PDE6A: variants seen among roughly 807,000 people sequenced by gnomAD.
PDE6A encodes the protein rod cGMP-specific 3',5'-cyclic phosphodiesterase subunit alpha.
A neutral mutation model predicts 106.3 loss-of-function variants in PDE6A; 84 were observed. The ratio of observed to expected loss-of-function variants is 0.79; its 90% CI spans 0.66 to 0.95. PDE6A has a LOEUF of 0.95. Among genes scored for constraint, PDE6A ranks in the 40% least tolerant of loss-of-function variants. The probability of loss-of-function intolerance (pLI) is 0.00; values close to 1 mark genes in which losing one functional copy is unlikely to be tolerated. For missense variants in PDE6A, 1,052 were observed against 1,084.9 expected (o/e 0.97, Z 0.43); for synonymous variants, 394 against 386.6 (o/e 1.02, Z -0.23).
chr5:149,920,777 A>G (rs1753681126), intron 5 of PDE6A, among the ~76,000 whole-genome samples: 1 of 151,154 alleles, frequency 6.6e-6, no homozygotes, highest in Non-Finnish European at 1.5e-5. Flanking sequence ...GTTAGCCGCC[A>G]ATTTCCCAGC....
At chr5:149,874,209 C>T (rs1239419763) in intron 17 of PDE6A, among the ~76,000 whole-genome samples, 2 of 152,144 alleles carry the variant, frequency 1.3e-5, no homozygotes, top group African/African-American at 4.8e-5. Flanking sequence ...CTATAGTTAG[C>T]ATCACATTCT....
At chr5:149,887,227 G>A (rs182669690) in intron 13 of PDE6A, among the ~76,000 whole-genome samples, 190 of 152,298 alleles carry the variant, frequency 1.2e-3, no homozygotes, top group African/African-American at 4.4e-3. Flanking sequence ...TCCAACAATA[G>A]AACACTATGC....
In PDE6A at chr5:149,944,598, G is replaced by A. The variant is rs775843654; in HGVS notation, c.76C>T (p.Leu26Phe). The change falls in exon 1 of 22, where the codon CTC (leucine) becomes TTC (phenylalanine). Residue 26 changes from leucine (L) to phenylalanine (F), a missense_variant. By Grantham distance (22) the Leu-to-Phe change is conservative. This residue lies in a region of PDE6A where 913 missense variants were observed against 915.2 expected (regional missense o/e 1.00). Transcript: ENST00000255266. The stretch of plus-strand genomic sequence containing the variant: ...GAGATGAGCTTGGCCCGGTAGTGGA[G>A]GTTGTAGTACTGTTTGGCAAAGCCA... ...NIGFAKQYYN[L>F]HYRAKLISDL... 1 of 1,613,942 alleles carries A rather than the reference G, an allele frequency of 6.2e-7. No individual in the cohort carries two copies. The highest frequency in any genetic ancestry group is 2.2e-5 in the East Asian group (1 of 44,880).
chr5:149,890,111 A>G (rs1286314147), intron 13 of PDE6A, among the ~76,000 whole-genome samples: 1 of 151,636 alleles, frequency 6.6e-6, no homozygotes, highest in Non-Finnish European at 1.5e-5. Flanking sequence ...ACACCACCAC[A>G]CTAGGCTAAT....
intron 8 of PDE6A, among the ~76,000 whole-genome samples, chr5:149,901,766 A>G (rs1752988545): frequency 6.6e-6 from 1 of 152,236 alleles, no homozygotes; most frequent in African/African-American, 2.4e-5. Context: ...GGTCAAAATC[A>G]CAACACATGA....
At chr5:149,943,106 C>T (rs948388144) in intron 1 of PDE6A, among the ~76,000 whole-genome samples, 2 of 152,128 alleles carry the variant, frequency 1.3e-5, no homozygotes, top group African/African-American at 4.8e-5. Context: ...CTCAGGCTGT[C>T]TCAGTGGGGA....
intron 6 of PDE6A, among the ~76,000 whole-genome samples, chr5:149,911,463 T>C (rs1753383669): frequency 6.6e-6 from 1 of 152,212 alleles, no homozygotes; most frequent in African/African-American, 2.4e-5. Flanking sequence ...TAAAGCCATT[T>C]GAGATCTGTA....
chr5:149,888,380 T>G (rs1306509188), intron 13 of PDE6A, among the ~76,000 whole-genome samples: 1 of 151,576 alleles, frequency 6.6e-6, no homozygotes, highest in Non-Finnish European at 1.5e-5. Flanking sequence ...CACTGGAAAT[T>G]AAGGTCACTA....
At chr5:149,876,752 C>T (rs1457951831) in intron 17 of PDE6A, among the ~76,000 whole-genome samples, 2 of 152,106 alleles carry the variant, frequency 1.3e-5, no homozygotes, top group African/African-American at 2.4e-5. Flanking sequence ...GCAATCTGCC[C>T]GTCTCAGCCT....
chr5:149,916,008 T>C (rs996116732), intron 5 of PDE6A, among the ~76,000 whole-genome samples: 3 of 152,248 alleles, frequency 2.0e-5, no homozygotes, highest in African/African-American at 7.2e-5. Context: ...GGTCTTGCTG[T>C]GTCACCCAGG....
intron 14 of PDE6A, among the ~76,000 whole-genome samples, chr5:149,886,031 T>A (rs1752283181): frequency 6.6e-6 from 1 of 152,220 alleles, no homozygotes; most frequent in Non-Finnish European, 1.5e-5. Flanking sequence ...ATCTGCACAG[T>A]CCCTTTTGTA....
At chr5:149,889,224 CT>C (rs1361611922) in intron 13 of PDE6A, among the ~76,000 whole-genome samples, 7 of 151,784 alleles carry the variant, frequency 4.6e-5, no homozygotes, top group African/African-American at 1.2e-4. Context: ...AACAAATTTT[CT>C]TTGAGTATTG....
In PDE6A at chr5:149,893,435, C is replaced by T. The variant is rs148368099; in HGVS notation, c.1728+1748G>A. 3.0e-3 allele frequency among the ~76,000 whole-genome samples: 459 copies of T among 152,254 alleles called. 3 individuals are homozygous for T. The highest frequency in any genetic ancestry group is 5.0e-3 in the Non-Finnish European group (341 of 68,026). ...ACTTCTCTGCCATCATGAAGGAAAC[C>T]GTACTCTGACCTTTCTAATTAATAA... On this transcript the variant is annotated intron_variant, in intron 13 of 21. Coordinates refer to ENST00000255266, the MANE Select transcript of PDE6A (RefSeq NM_000440.3).
intron 1 of PDE6A, among the ~76,000 whole-genome samples, chr5:149,935,889 C>T (rs1019130254): frequency 1.3e-5 from 2 of 152,166 alleles, no homozygotes; most frequent in Non-Finnish European, 2.9e-5. Context: ...TGGTGGTTTA[C>T]GTCTATAATC....
intron 17 of PDE6A, among the ~76,000 whole-genome samples, chr5:149,871,283 T>C (rs1760541514): frequency 1.3e-5 from 2 of 152,204 alleles, no homozygotes; most frequent in Admixed American, 1.3e-4. Context: ...ACATGGTCCA[T>C]GCTCTCAGAG....
At chr5:149,924,312 C>T (rs1348161518) in intron 4 of PDE6A, among the ~76,000 whole-genome samples, 2 of 152,068 alleles carry the variant, frequency 1.3e-5, no homozygotes, top group Non-Finnish European at 2.9e-5. Context: ...GTGGGCCAAA[C>T]ACTGAGTGGC....
intron 17 of PDE6A, among the ~76,000 whole-genome samples, chr5:149,880,932 G>A (rs369065477): frequency 4.6e-5 from 7 of 152,010 alleles, no homozygotes; most frequent in African/African-American, 1.2e-4. Context: ...GAATGGTGGC[G>A]GGTGCCTGTA....
intron 4 of PDE6A, among the ~76,000 whole-genome samples, chr5:149,926,979 CAAAAAAAAA>C (rs539891462): frequency 1.4e-5 from 1 of 70,450 alleles, no homozygotes; most frequent in Non-Finnish European, 2.9e-5. Flanking sequence ...ACTCCGTCTC[CAAAAAAAAA>C]AAAAAAAAAA....
At chr5:149,928,231 A>ATATATATT in intron 4 of PDE6A, among the ~76,000 whole-genome samples, 1 of 19,742 alleles carries the variant, frequency 5.1e-5, no homozygotes, top group East Asian at 7.4e-4. Flanking sequence ...ATATATATAT[A>ATATATATT]TTTTTTTTTT....
Sources: gnomAD v4.1 joint callset for allele counts (sites outside exome capture counted in the v4.1 genomes callset) on GRCh38, gnomAD v4.1.1 for gene constraint, gnomAD v4.1.1 regional missense constraint, MANE v1.5 for transcripts, NCBI Gene and HGNC (gene_info 2026-07-23, HGNC 2026-07-21) for gene names.